Variants in REDIC1 observed in about 807,000 individuals in gnomAD.
The protein encoded by REDIC1 is regulator of DNA class I crossover intermediates 1.
the REDIC1 span, among the ~76,000 whole-genome samples, chr12:39,881,816 C>T: frequency 1.3e-5 from 2 of 152,064 alleles, no homozygotes; most frequent in Non-Finnish European, 2.9e-5. Flanking sequence ...CTAATTCTCA[C>T]TTAGTTGTCT....
the REDIC1 span, among the ~76,000 whole-genome samples, chr12:39,877,582 A>T: frequency 6.6e-6 from 1 of 152,198 alleles, no homozygotes; most frequent in Non-Finnish European, 1.5e-5. Flanking sequence ...TCTCTTTCAT[A>T]GGGCAGAAGA....
the REDIC1 span, among the ~76,000 whole-genome samples, chr12:39,831,183 C>T: frequency 6.6e-6 from 1 of 152,130 alleles, no homozygotes; most frequent in African/African-American, 2.4e-5. Context: ...GAATGAGAAA[C>T]AGATGAACAA....
chr12:39,901,778 G>A, the REDIC1 span, among the ~76,000 whole-genome samples: 1 of 137,762 alleles, frequency 7.3e-6, no homozygotes, highest in Non-Finnish European at 1.6e-5. Flanking sequence ...GTGGAAGTCA[G>A]TGTGGCGATT....
the REDIC1 span, among the ~76,000 whole-genome samples, chr12:39,700,366 C>A: frequency 6.6e-6 from 1 of 151,886 alleles, no homozygotes; most frequent in African/African-American, 2.4e-5. Flanking sequence ...TGAAATGAAG[C>A]GAGAAGGGAA....
the REDIC1 span, among the ~76,000 whole-genome samples, chr12:39,860,274 G>T: frequency 6.6e-6 from 1 of 152,282 alleles, no homozygotes; most frequent in Middle Eastern, 3.4e-3. Context: ...TACATTTAAG[G>T]CCTTCCAGCA....
chr12:39,639,572 A>G, the REDIC1 span, among the ~76,000 whole-genome samples: 1 of 152,024 alleles, frequency 6.6e-6, no homozygotes, highest in South Asian at 2.1e-4. Flanking sequence ...AAGAACTCCA[A>G]TATCAGACAC....
chr12:39,879,314 G>A, the REDIC1 span, among the ~76,000 whole-genome samples: 1 of 152,294 alleles, frequency 6.6e-6, no homozygotes, highest in South Asian at 2.1e-4. Flanking sequence ...GTGAGAAATG[G>A]GCCACCATCC....
the REDIC1 span, among the ~76,000 whole-genome samples, chr12:39,835,501 A>C: frequency 1.3e-5 from 2 of 152,146 alleles, no homozygotes; most frequent in East Asian, 3.9e-4. Context: ...GCTTTATAAA[A>C]GGAATTGCGG....
chr12:39,745,355 G>C, the REDIC1 span, among the ~76,000 whole-genome samples: 10 of 152,198 alleles, frequency 6.6e-5, no homozygotes, highest in African/African-American at 2.4e-4. Flanking sequence ...ACAATAAAGG[G>C]TACTGGTTAA....
At chr12:39,663,825 T>A in the REDIC1 span, among the ~76,000 whole-genome samples, 1 of 151,928 alleles carries the variant, frequency 6.6e-6, no homozygotes, top group Admixed American at 6.6e-5. Flanking sequence ...ACCAAGCAAT[T>A]CTTGTAGGGC....
chr12:39,810,390 A>C, the REDIC1 span, among the ~76,000 whole-genome samples: 2 of 152,152 alleles, frequency 1.3e-5, no homozygotes, highest in Non-Finnish European at 2.9e-5. Context: ...ACTTTGTTAC[A>C]TTCATTTATT....
At chr12:39,736,316 A>T in the REDIC1 span, among the ~76,000 whole-genome samples, 2 of 152,298 alleles carry the variant, frequency 1.3e-5, no homozygotes, top group South Asian at 4.1e-4. Context: ...TAATTATCCT[A>T]TGCCTCTTCC....
chr12:39,768,143 C>A, the REDIC1 span, among the ~76,000 whole-genome samples: 1 of 152,202 alleles, frequency 6.6e-6, no homozygotes, highest in South Asian at 2.1e-4. Flanking sequence ...CCTTAAACCT[C>A]ATGAACCAAC....
chr12:39,675,671 A>C, the REDIC1 span, among the ~76,000 whole-genome samples: 1 of 152,180 alleles, frequency 6.6e-6, no homozygotes, highest in African/African-American at 2.4e-5. Context: ...TGCATTAAAA[A>C]CTACAACCAA....
the REDIC1 span, chr12:39,641,128 G>C: frequency 1.6e-6 from 1 of 632,280 alleles, no homozygotes; most frequent in Non-Finnish European, 2.7e-6. Context: ...CTTGTTGATA[G>C]CTTGATTAGC....
the REDIC1 span, among the ~76,000 whole-genome samples, chr12:39,812,765 C>T: frequency 5.3e-3 from 808 of 151,236 alleles, 6 homozygotes; most frequent in African/African-American, 0.019. Context: ...AGTCATTGCA[C>T]CTGGCGGTTT....
At chr12:39,849,535 T>A in the REDIC1 span, among the ~76,000 whole-genome samples, 1 of 152,200 alleles carries the variant, frequency 6.6e-6, no homozygotes, top group African/African-American at 2.4e-5. Flanking sequence ...ACTGCCTCTA[T>A]CTTAACTCAG....
At chr12:39,833,482 A>T in the REDIC1 span, among the ~76,000 whole-genome samples, 2 of 151,966 alleles carry the variant, frequency 1.3e-5, no homozygotes, top group East Asian at 3.9e-4. Flanking sequence ...CTTCATGTGA[A>T]TCCTTCTAAC....
At chr12:39,805,093 G>T in the REDIC1 span, among the ~76,000 whole-genome samples, 4 of 78,202 alleles carry the variant, frequency 5.1e-5, no homozygotes, top group Non-Finnish European at 1.1e-4. Context: ...AACAGTGAGG[G>T]TCATCAGTGA....
Sources: allele counts gnomAD v4.1 joint callset (sites outside exome capture counted in the v4.1 genomes callset), GRCh38; gene constraint gnomAD v4.1.1; transcripts MANE v1.5; gene names NCBI Gene and HGNC (gene_info 2026-07-23, HGNC 2026-07-21).